COL5A3: variants seen among roughly 807,000 people sequenced by gnomAD.
COL5A3 encodes the protein collagen alpha-3(V) chain.
In COL5A3, 172 loss-of-function variants were observed where a neutral mutation model predicts 250.0. The ratio of observed to expected loss-of-function variants is 0.69; its 90% CI spans 0.61 to 0.78. The LOEUF (loss-of-function observed/expected upper bound fraction) is 0.78, where lower values mean the gene tolerates loss of function less well. Ranked by LOEUF, COL5A3 falls within the 30% of genes least tolerant of loss-of-function variation. COL5A3 has a pLI of 0.00. For synonymous variants in COL5A3, 937 were observed against 900.4 expected (o/e 1.04, Z -0.73); for missense variants, 2,340 against 2,334.4 (o/e 1.00, Z -0.05).
rs559329983 is a variant in COL5A3, at chr19:9,999,958, ATGTTACCCAGGCT to A, written c.1110+1553_1110+1565del. On this transcript the variant is annotated intron_variant, in intron 8 of 66. Transcript: ENST00000264828. ...TATTTTGTAAAGATAGGGTCTCGCT[ATGTTACCCAGGCT>A]TGTCCCAAACTCTTGGGCTCAGGTG... is the stretch of plus-strand genomic sequence containing the variant. 1.8e-3 allele frequency among the ~76,000 whole-genome samples: 268 copies of A among 152,080 alleles called. 1 individual carries two copies. Among genetic ancestry groups the A allele is most frequent in the African/African-American group, 6.2e-3 (256 of 41,480 alleles).
At chr19:10,010,182 G>T (rs893756168) in intron 1 of COL5A3, 116 bp downstream of exon 1, 2 of 548,852 alleles carry the variant, frequency 3.6e-6, no homozygotes, top group Non-Finnish European at 4.9e-6. Flanking sequence ...CACCGGGGCC[G>T]CACGCGGCGC....
intron 31 of COL5A3, among the ~76,000 whole-genome samples, chr19:9,983,015 C>T (rs2087031575): frequency 6.6e-6 from 1 of 152,042 alleles, no homozygotes; most frequent in East Asian, 1.9e-4. Context: ...GCCACCATGT[C>T]CAGCTAATTT....
Position 9,979,121 on chromosome 19 carries a change from C to CA in COL5A3, c.2874+10dup, listed in dbSNP as rs3214452. On this transcript the variant is annotated intron_variant, in intron 39 of 66. Transcript: ENST00000264828. Reference sequence around the variant, plus strand: ...ATGTTCAACCAAGATCTCCAGTGGACAGTGTCTCACCTTGGCCCCCTCTCT... The same window carrying CA: ...ATGTTCAACCAAGATCTCCAGTGGACAAGTGTCTCACCTTGGCCCCCTCTCT... 207,576 of 1,556,704 alleles carry CA rather than the reference C, an allele frequency of 0.13. 15,025 individuals are homozygous for CA. The highest frequency in any genetic ancestry group is 0.27 in the South Asian group (22,280 of 83,436).
chr19:10,002,945 G>C (rs956556131), intron 6 of COL5A3, among the ~76,000 whole-genome samples: 1 of 151,920 alleles, frequency 6.6e-6, no homozygotes, highest in Non-Finnish European at 1.5e-5. Context: ...CCCAGTCATT[G>C]ACCCCAAACT....
At chr19:9,967,020 AG>A (rs1201162757) in intron 62 of COL5A3, among the ~76,000 whole-genome samples, 1 of 151,972 alleles carries the variant, frequency 6.6e-6, no homozygotes, top group Admixed American at 6.6e-5. Flanking sequence ...GAGAGAGAGC[AG>A]GGAGAGAGAC....
At chr19:9,978,854 C>A in intron 40 of COL5A3, 37 bp downstream of exon 40, 1 of 1,322,136 alleles carries the variant, frequency 7.6e-7, no homozygotes, top group Non-Finnish European at 1.0e-6. Context: ...CTTTCCTTCT[C>A]TAAGGGACAT....
Position 9,997,987 on chromosome 19 carries a change from G to A in COL5A3, c.1197C>T (p.Pro399=). The A allele has an allele frequency of 6.2e-7, 1 of 1,614,028 alleles. No homozygotes were observed. The highest frequency in any genetic ancestry group is 8.5e-7 in the Non-Finnish European group (1 of 1,179,982). Residue 399 remains proline, a synonymous_variant, in exon 10 of 67, where the codon CCC becomes CCT. Transcript: ENST00000264828. ...QFEGPPGAPG[P]QGVVGPSGPP... is the part of the protein sequence containing the mutation. ...AGGAAACACAGCCATGACTTACTTG[G>A]GGTCCTGGGGCTCCTGGAGGTCCCT...
At chr19:9,963,538 T>C in intron 64 of COL5A3, among the ~76,000 whole-genome samples, 1 of 116,018 alleles carries the variant, frequency 8.6e-6, no homozygotes, top group African/African-American at 3.4e-5. Flanking sequence ...ATAATAGGAG[T>C]GTGCCACCAT....
intron 31 of COL5A3, among the ~76,000 whole-genome samples, chr19:9,983,655 GAC>G (rs1186447332): frequency 7.0e-6 from 1 of 142,836 alleles, no homozygotes; most frequent in Admixed American, 7.1e-5. Context: ...AAGAAAGACA[GAC>G]AGAAAGAAAG....
chr19:10,007,462 C>A (rs572224404), intron 1 of COL5A3, among the ~76,000 whole-genome samples: 1 of 152,368 alleles, frequency 6.6e-6, no homozygotes, highest in African/African-American at 2.4e-5. Context: ...TGCTACCAGC[C>A]CCACCCCAGC....
chr19:9,962,129 C>T lies in COL5A3; in HGVS notation c.4851+690G>A, dbSNP rs985206389. ...AATAATGCTTTTTTTTTTTTTGAGA[C>T]GGAATCTCGCTCTGTTGCCCAGGCT... On this transcript the variant is annotated intron_variant, in intron 65 of 66. Transcript: ENST00000264828. Among the ~76,000 whole-genome samples the T allele has an allele frequency of 4.7e-5, 7 of 148,452 alleles. No homozygotes were observed. In the South Asian group the frequency reaches 6.4e-4, roughly 14 times the overall value.
chr19:9,971,002 CT>C lies in COL5A3; in HGVS notation c.3854del (p.Lys1285ArgfsTer108). 1.3e-6 allele frequency: 2 copies of C among 1,560,704 alleles called. No individual in the cohort carries two copies. On this transcript the variant is annotated frameshift_variant, in exon 53 of 67. Transcript: ENST00000264828. LOFTEE classifies it high-confidence loss of function. ...GTCCCCCAACATCACCAGGGTCTCCCTTCTCCCCTGGGGAACCATCTATGCC... is the reference window on the plus strand; with the variant it reads ...GTCCCCCAACATCACCAGGGTCTCCCTCTCCCCTGGGGAACCATCTATGCC... ...VSGIDGSPGE[K>X]GDPGDVGGPG...
chr19:9,967,620 T>C, intron 61 of COL5A3: 1 of 565,856 alleles, frequency 1.8e-6, no homozygotes, highest in South Asian at 2.7e-5. Flanking sequence ...TTTCTTTTCA[T>C]GTTTTAATGT....
Position 9,995,688 on chromosome 19 carries a change from A to G in COL5A3, c.1534-71T>C, listed in dbSNP as rs1406890658. The stretch of plus-strand genomic sequence containing the variant: ...GAGGGACTTATTCTATTGTATTAAA[A>G]AAAATTAGAGATGGGGTCTTGCTGT... On this transcript the variant is annotated intron_variant, in intron 15 of 66. Transcript: ENST00000264828. 66 of 1,242,536 alleles carry G rather than the reference A, an allele frequency of 5.3e-5. No homozygotes were observed. In the East Asian group the frequency reaches 1.3e-3, roughly 25 times the overall value. The allele number at this position is 1,242,536 out of a possible 1,614,324, so 77.0% of individuals were successfully genotyped here. A position where few individuals can be genotyped will look rare whatever the true frequency, so the allele number is the denominator to read the frequency against.
rs57642882 is a variant in COL5A3, at chr19:9,994,559, CATATATATATATATATAT to C, written c.1588-771_1588-754del. ...AGGCTGGAGTTACATATATGTTTTACATATATATATATATATATATATATATATATATATATATATATA... is the reference window on the plus strand; with the variant it reads ...AGGCTGGAGTTACATATATGTTTTACATATATATATATATATATATATATA... On this transcript the variant is annotated intron_variant, in intron 16 of 66. Coordinates refer to ENST00000264828, the MANE Select transcript of COL5A3 (RefSeq NM_015719.4). Among the ~76,000 whole-genome samples, 325 of 70,706 alleles carry C rather than the reference CATATATATATATATATAT, an allele frequency of 4.6e-3. 4 individuals are homozygous for C. Among genetic ancestry groups the C allele is most frequent in the South Asian group, 0.018 (29 of 1,642 alleles). 46.4% of individuals were successfully genotyped at this position (70,706 alleles called of 152,430 possible).
chr19:10,004,591 A>G (rs895215294), intron 4 of COL5A3, among the ~76,000 whole-genome samples: 13 of 152,150 alleles, frequency 8.5e-5, no homozygotes, highest in African/African-American at 3.1e-4. Context: ...TTGGCCTCCC[A>G]AAGTGCTGGG....
chr19:9,977,900 TC>T (rs568525675), intron 41 of COL5A3, among the ~76,000 whole-genome samples, 199 bp from the exon 42 acceptor site: 78 of 148,708 alleles, frequency 5.2e-4, no homozygotes, highest in African/African-American at 1.9e-3. Flanking sequence ...ACTCCATGGC[TC>T]CCATCTCACT....
At chr19:9,976,454 G>T in intron 45 of COL5A3, 104 bp downstream of exon 45, 1 of 808,254 alleles carries the variant, frequency 1.2e-6, no homozygotes, top group Non-Finnish European at 1.9e-6. Flanking sequence ...GATCAGGGTT[G>T]GGTTTGAGGT....
At chr19:9,978,712 C>T in intron 40 of COL5A3, 85 bp from the exon 41 acceptor site, 8 of 1,012,028 alleles carry the variant, frequency 7.9e-6, no homozygotes, top group South Asian at 3.4e-5. Flanking sequence ...TCACAGTCCC[C>T]ACCTCTCTCC....
Sources: allele counts gnomAD v4.1 joint callset (sites outside exome capture counted in the v4.1 genomes callset), GRCh38; gene constraint gnomAD v4.1.1; transcripts MANE v1.5; gene names NCBI Gene and HGNC (gene_info 2026-07-23, HGNC 2026-07-21).